Variants in NKAIN3 observed in about 807,000 individuals in gnomAD.
The protein encoded by NKAIN3 is sodium/potassium-transporting ATPase subunit beta-1-interacting protein 3.
A neutral mutation model predicts 30.2 loss-of-function variants in NKAIN3; 25 were observed. That is an observed-to-expected ratio of 0.83 (90% confidence interval 0.60 to 1.16). The LOEUF is 1.16. Ranked by LOEUF, NKAIN3 falls within the 50% of genes most tolerant of loss-of-function variation. NKAIN3 has a pLI of 0.00. For missense variants in NKAIN3, 225 were observed against 254.1 expected (o/e 0.89, Z 0.78); for synonymous variants, 91 against 89.6 (o/e 1.02, Z -0.09).
chr8:62,497,969 C>T (rs1281110085), intron 1 of NKAIN3, among the ~76,000 whole-genome samples: 1 of 152,050 alleles, frequency 6.6e-6, no homozygotes, highest in Non-Finnish European at 1.5e-5. Flanking sequence ...GGATTCAAAC[C>T]CTCTCTTGCT....
intron 1 of NKAIN3, among the ~76,000 whole-genome samples, chr8:62,308,466 A>G (rs758025717): frequency 1.3e-5 from 2 of 150,654 alleles, no homozygotes; most frequent in South Asian, 2.1e-4. Flanking sequence ...TTGAAATTTT[A>G]TCAGTGAAGG....
chr8:62,673,930 A>G (rs967589721), intron 3 of NKAIN3, among the ~76,000 whole-genome samples: 2 of 152,242 alleles, frequency 1.3e-5, no homozygotes, highest in African/African-American at 4.8e-5. Context: ...TTTAAAACCT[A>G]GAAATCACCT....
At chr8:62,478,453 A>G (rs1013089255) in intron 1 of NKAIN3, among the ~76,000 whole-genome samples, 1 of 152,232 alleles carries the variant, frequency 6.6e-6, no homozygotes, top group African/African-American at 2.4e-5. Context: ...CATAAAATAT[A>G]TAATTCACAG....
intron 5 of NKAIN3, among the ~76,000 whole-genome samples, chr8:62,926,158 T>A (rs1822436946): frequency 6.6e-6 from 1 of 152,136 alleles, no homozygotes; most frequent in Non-Finnish European, 1.5e-5. Flanking sequence ...ACACCCTGGA[T>A]GCACAGCAAA....
chr8:62,295,481 C>T (rs192657346), intron 1 of NKAIN3, among the ~76,000 whole-genome samples: 1 of 152,236 alleles, frequency 6.6e-6, no homozygotes, highest in East Asian at 1.9e-4. Flanking sequence ...CACTGAGCAG[C>T]AGTGTGAACT....
chr8:62,729,049 A>AAAAAAAAAAAAAAAAAAAG (rs1815381364), intron 3 of NKAIN3, among the ~76,000 whole-genome samples: 1 of 142,460 alleles, frequency 7.0e-6, no homozygotes, highest in African/African-American at 2.6e-5. Context: ...ACAAAAAAAA[A>AAAAAAAAAAAAAAAAAAAG]AAACCTCCTG....
chr8:62,566,270 A>G (rs905771481), intron 1 of NKAIN3, among the ~76,000 whole-genome samples: 4 of 152,124 alleles, frequency 2.6e-5, no homozygotes, highest in Non-Finnish European at 5.9e-5. Flanking sequence ...AAACACCTTT[A>G]TTCTGTGTTC....
intron 4 of NKAIN3, among the ~76,000 whole-genome samples, chr8:62,750,572 C>A (rs1336813580): frequency 6.6e-6 from 1 of 152,140 alleles, no homozygotes; most frequent in South Asian, 2.1e-4. Flanking sequence ...CTTCTGCCGG[C>A]GCCTCTGTCC....
At chr8:62,266,474 A>G (rs934987283) in intron 1 of NKAIN3, among the ~76,000 whole-genome samples, 8 of 152,254 alleles carry the variant, frequency 5.3e-5, no homozygotes, top group Non-Finnish European at 8.8e-5. Context: ...ATTATTTTAA[A>G]TAGATATTAT....
At chr8:62,810,721 A>G (rs892792901) in intron 4 of NKAIN3, among the ~76,000 whole-genome samples, 1 of 146,020 alleles carries the variant, frequency 6.8e-6, no homozygotes, top group African/African-American at 2.5e-5. Context: ...CCTGGTCTTA[A>G]TGTTTGTATG....
At chr8:62,769,155 C>A (rs965602513) in intron 4 of NKAIN3, among the ~76,000 whole-genome samples, 1 of 152,058 alleles carries the variant, frequency 6.6e-6, no homozygotes, top group African/African-American at 2.4e-5. Context: ...AGTGATCAAA[C>A]AAAAGTTTTT....
chr8:62,499,958 A>C (rs1807373253), intron 1 of NKAIN3, among the ~76,000 whole-genome samples: 1 of 152,046 alleles, frequency 6.6e-6, no homozygotes, highest in Non-Finnish European at 1.5e-5. Flanking sequence ...GAAGCAACTT[A>C]TAATGAAATA....
At chr8:62,684,333 G>A (rs780019364) in intron 3 of NKAIN3, among the ~76,000 whole-genome samples, 12 of 152,168 alleles carry the variant, frequency 7.9e-5, no homozygotes, top group Non-Finnish European at 1.2e-4. Flanking sequence ...TAACTCTAAT[G>A]AGTTATTCTT....
chr8:62,828,629 A>G (rs1819100847), intron 4 of NKAIN3, among the ~76,000 whole-genome samples: 1 of 92,724 alleles, frequency 1.1e-5, no homozygotes, highest in Non-Finnish European at 2.9e-5. Flanking sequence ...GTCAACACCC[A>G]CTCTTTGAAT....
At chr8:62,322,538 T>G (rs1814968817) in intron 1 of NKAIN3, among the ~76,000 whole-genome samples, 1 of 152,180 alleles carries the variant, frequency 6.6e-6, no homozygotes, top group Non-Finnish European at 1.5e-5. Context: ...TATTCCAAAA[T>G]AAAATATAAT....
intron 1 of NKAIN3, among the ~76,000 whole-genome samples, chr8:62,547,535 AG>A (rs1207461503): frequency 2.6e-5 from 4 of 152,192 alleles, no homozygotes; most frequent in Non-Finnish European, 5.9e-5. Context: ...GTGAGTGAGG[AG>A]GTTAGAAATC....
chr8:62,455,642 A>G (rs1805790687), intron 1 of NKAIN3, among the ~76,000 whole-genome samples: 1 of 152,186 alleles, frequency 6.6e-6, no homozygotes, highest in Non-Finnish European at 1.5e-5. Context: ...CATGTAATAC[A>G]CTTGTACTTG....
At chr8:62,736,190 C>A (rs1203095213) in intron 3 of NKAIN3, among the ~76,000 whole-genome samples, 4 of 152,136 alleles carry the variant, frequency 2.6e-5, no homozygotes, top group African/African-American at 9.7e-5. Context: ...TAGGCTTGCC[C>A]TAGGGTCACC....
intron 1 of NKAIN3, among the ~76,000 whole-genome samples, chr8:62,254,740 A>C (rs1044010979): frequency 6.6e-6 from 1 of 152,242 alleles, no homozygotes. Flanking sequence ...CAAAGTCAAC[A>C]TAAGCAGTGA....
Sources: gnomAD v4.1 joint callset for allele counts (sites outside exome capture counted in the v4.1 genomes callset) on GRCh38, gnomAD v4.1.1 for gene constraint, MANE v1.5 for transcripts, NCBI Gene and HGNC (gene_info 2026-07-23, HGNC 2026-07-21) for gene names.